Variants in C1QTNF3 observed in about 807,000 individuals in gnomAD.
The protein encoded by C1QTNF3 is C1q and TNF related 3.
In C1QTNF3, 26 loss-of-function variants were observed where a neutral mutation model predicts 32.6. The ratio of observed to expected loss-of-function variants is 0.80; its 90% CI spans 0.58 to 1.11. C1QTNF3 has a LOEUF of 1.11. Ranked by LOEUF, C1QTNF3 falls within the 50% of genes least tolerant of loss-of-function variation. C1QTNF3 has a pLI of 0.00. For missense variants in C1QTNF3, 362 were observed against 398.2 expected (o/e 0.91, Z 0.77); for synonymous variants, 155 against 146.0 (o/e 1.06, Z -0.44).
chr5:34,108,042 G>T, the C1QTNF3 span, among the ~76,000 whole-genome samples: 1 of 151,564 alleles, frequency 6.6e-6, no homozygotes, highest in East Asian at 1.9e-4. Flanking sequence ...AAGAGGAAAA[G>T]AAAGAAAGAA....
the C1QTNF3 span, among the ~76,000 whole-genome samples, chr5:34,172,997 T>C: frequency 6.6e-6 from 1 of 152,170 alleles, no homozygotes; most frequent in African/African-American, 2.4e-5. Context: ...ACTTTTATTT[T>C]AGGTTCAAGG....
the C1QTNF3 span, among the ~76,000 whole-genome samples, chr5:34,183,331 T>C: frequency 1.3e-5 from 2 of 151,816 alleles, no homozygotes; most frequent in South Asian, 4.1e-4. Flanking sequence ...AATTTTCTTT[T>C]TTTTTTTTTT....
At chr5:34,065,063 A>C in the C1QTNF3 span, among the ~76,000 whole-genome samples, 1 of 152,212 alleles carries the variant, frequency 6.6e-6, no homozygotes, top group Non-Finnish European at 1.5e-5. Context: ...TAAACTAAAG[A>C]ACTTCTGCAC....
At chr5:34,023,054 A>T (rs1458925591) in intron 5 of C1QTNF3, among the ~76,000 whole-genome samples, 1 of 151,992 alleles carries the variant, frequency 6.6e-6, no homozygotes, top group Non-Finnish European at 1.5e-5. Flanking sequence ...ACGGGGTTTC[A>T]CCGTGTTAGC....
At chr5:34,111,707 C>T in the C1QTNF3 span, among the ~76,000 whole-genome samples, 38 of 152,120 alleles carry the variant, frequency 2.5e-4, no homozygotes, top group Admixed American at 2.4e-3. Flanking sequence ...AGCCCAGGAA[C>T]TCTATGCTCC....
the C1QTNF3 span, among the ~76,000 whole-genome samples, chr5:34,081,505 A>G: frequency 1.3e-5 from 2 of 151,672 alleles, no homozygotes; most frequent in Admixed American, 6.6e-5. Context: ...ACTTATTGAC[A>G]TGATTCTTAA....
At chr5:34,176,616 C>T in the C1QTNF3 span, among the ~76,000 whole-genome samples, 1 of 152,112 alleles carries the variant, frequency 6.6e-6, no homozygotes, top group African/African-American at 2.4e-5. Flanking sequence ...GGTGTGCTGG[C>T]TCATGTCTGT....
the C1QTNF3 span, among the ~76,000 whole-genome samples, chr5:34,085,029 C>T: frequency 2.4e-5 from 3 of 122,470 alleles, no homozygotes; most frequent in East Asian, 2.3e-4. Flanking sequence ...CTCACTCTGT[C>T]GCCCAGGCTG....
At chr5:34,067,308 A>T in the C1QTNF3 span, among the ~76,000 whole-genome samples, 1 of 152,202 alleles carries the variant, frequency 6.6e-6, no homozygotes, top group East Asian at 1.9e-4. Context: ...CATTTTCAAG[A>T]ATCTTTTAAG....
chr5:34,146,385 C>A, the C1QTNF3 span, among the ~76,000 whole-genome samples: 2 of 152,124 alleles, frequency 1.3e-5, no homozygotes, highest in African/African-American at 2.4e-5. Flanking sequence ...TAGAACAAAT[C>A]CAGGGACATT....
the C1QTNF3 span, among the ~76,000 whole-genome samples, chr5:34,223,458 T>C: frequency 2.0e-5 from 3 of 149,144 alleles, no homozygotes; most frequent in African/African-American, 7.5e-5. Context: ...TTTGCTATTG[T>C]GAATAGTGCC....
the C1QTNF3 span, among the ~76,000 whole-genome samples, chr5:34,224,445 A>G: frequency 0.067 from 10,264 of 152,190 alleles, 937 homozygotes; most frequent in African/African-American, 0.21. Context: ...TACTGGTACC[A>G]AAACAGACAT....
chr5:34,053,712 T>C, the C1QTNF3 span, among the ~76,000 whole-genome samples: 6 of 152,186 alleles, frequency 3.9e-5, no homozygotes, highest in Admixed American at 1.3e-4. Context: ...CACCCTATTA[T>C]ATTTGACCGA....
At chr5:34,127,155 G>C in the C1QTNF3 span, among the ~76,000 whole-genome samples, 1 of 151,978 alleles carries the variant, frequency 6.6e-6, no homozygotes, top group Non-Finnish European at 1.5e-5. Flanking sequence ...TGTGAAAATG[G>C]ACTAATACAG....
chr5:34,117,571 G>A, the C1QTNF3 span, among the ~76,000 whole-genome samples: 8 of 151,774 alleles, frequency 5.3e-5, no homozygotes, highest in Admixed American at 1.3e-4. Context: ...CGAGGTGGGC[G>A]GATCACTTGA....
At chr5:34,078,121 G>A in the C1QTNF3 span, among the ~76,000 whole-genome samples, 2 of 151,626 alleles carry the variant, frequency 1.3e-5, no homozygotes, top group African/African-American at 4.9e-5. This position sits in a 1 kb window ranked among gnomAD's most constrained non-coding sequence, Gnocchi z 4.0. Flanking sequence ...CTTACCCAAT[G>A]TGCCCTGGTT....
chr5:34,222,236 T>C, the C1QTNF3 span, among the ~76,000 whole-genome samples: 2 of 151,986 alleles, frequency 1.3e-5, no homozygotes, highest in Non-Finnish European at 2.9e-5. Context: ...TTAGGGATTG[T>C]GTCAATTATT....
chr5:34,125,677 T>C, the C1QTNF3 span, among the ~76,000 whole-genome samples: 1 of 152,204 alleles, frequency 6.6e-6, no homozygotes, highest in Non-Finnish European at 1.5e-5. Flanking sequence ...CATCCTTTTA[T>C]ATATTTTTAA....
At chr5:34,177,491 T>TA in the C1QTNF3 span, among the ~76,000 whole-genome samples, 3 of 145,658 alleles carry the variant, frequency 2.1e-5, no homozygotes, top group African/African-American at 7.6e-5. Flanking sequence ...TTTTTTTTTT[T>TA]TTTTTTTTTT....
Sources: allele counts gnomAD v4.1 joint callset (sites outside exome capture counted in the v4.1 genomes callset), GRCh38; gene constraint gnomAD v4.1.1; non-coding constraint Gnocchi (gnomAD v3.1); transcripts MANE v1.5; gene names NCBI Gene and HGNC (gene_info 2026-07-23, HGNC 2026-07-21).